RASGRP1: variants seen among roughly 807,000 people sequenced by gnomAD.
The protein encoded by RASGRP1 is RAS guanyl-releasing protein 1.
RASGRP1 carries 37 observed loss-of-function variants against 95.1 expected under a neutral mutation model. The observed-to-expected ratio is 0.39, with a 90% CI of 0.30 to 0.51. The LOEUF is 0.51. RASGRP1 is among the 20% of genes least tolerant of loss of function. The probability of loss-of-function intolerance (pLI) is 0.80; values close to 1 mark genes in which losing one functional copy is unlikely to be tolerated. For missense variants in RASGRP1, 711 were observed against 965.4 expected, an observed-to-expected ratio of 0.74 and a Z score of 3.49; for synonymous variants, 325 against 353.4, an observed-to-expected ratio of 0.92 and a Z score of 0.90.
intron 1 of RASGRP1, 42 bp downstream of exon 1, chr15:38,564,552 A>G: frequency 2.2e-6 from 3 of 1,339,188 alleles, no homozygotes; most frequent in Non-Finnish European, 2.9e-6. Context: ...TTCCCAAGAA[A>G]GGACACAGGC....
At chr15:38,529,005 C>G (rs1892340002) in intron 2 of RASGRP1, among the ~76,000 whole-genome samples, 1 of 152,214 alleles carries the variant, frequency 6.6e-6, no homozygotes, top group Non-Finnish European at 1.5e-5. Context: ...CAACTAAAAA[C>G]CTAGCCATTA....
chr15:38,502,552 C>T (rs2141092830), intron 11 of RASGRP1, 131 bp from the exon 12 acceptor site: 1 of 620,442 alleles, frequency 1.6e-6, no homozygotes, highest in East Asian at 2.8e-5. Context: ...ACAGGGAAAC[C>T]TGCTCCTTTA....
chr15:38,546,439 G>C (rs1372606906), intron 2 of RASGRP1, among the ~76,000 whole-genome samples: 2 of 152,138 alleles, frequency 1.3e-5, no homozygotes. Flanking sequence ...TGTTGGCCAG[G>C]ATGGTTTCGA....
At position 38,514,186 on chromosome 15, in the gene RASGRP1, A is replaced by T. The variant is rs1891663727; in HGVS notation, c.676-1230T>A. ...CTAAGTAGTAAATATATAGATGAGA[A>T]GTCACAACCCAAATAAAATAGCTGC... On this transcript the variant is annotated intron_variant, in intron 6 of 16. Transcript: ENST00000310803. Among the ~76,000 whole-genome samples the T allele has an allele frequency of 3.3e-5, 5 of 152,238 alleles. No homozygotes were observed. The South Asian group carries it at 1.0e-3, about 32-fold the overall frequency.
chr15:38,526,026 A>G (rs1234091522), intron 3 of RASGRP1, among the ~76,000 whole-genome samples: 1 of 152,090 alleles, frequency 6.6e-6, no homozygotes, highest in South Asian at 2.1e-4. Context: ...CAGAAAAAAT[A>G]TTTTTTACTA....
chr15:38,508,705 T>C (rs1016501045), intron 8 of RASGRP1, among the ~76,000 whole-genome samples: 2 of 152,228 alleles, frequency 1.3e-5, no homozygotes, highest in African/African-American at 4.8e-5. Context: ...GCTTCAAACC[T>C]GGAAGTGGGA....
intron 10 of RASGRP1, chr15:38,504,056 T>C (rs1190563403): frequency 6.6e-6 from 1 of 152,214 alleles, no homozygotes; most frequent in African/African-American, 2.4e-5. Context: ...TATCTTAACA[T>C]ATCTAAACAT....
At chr15:38,513,854 G>C (rs1228554828) in intron 6 of RASGRP1, among the ~76,000 whole-genome samples, 1 of 152,152 alleles carries the variant, frequency 6.6e-6, no homozygotes, top group Non-Finnish European at 1.5e-5. Flanking sequence ...TTGAAAGAAG[G>C]TGTGACCATA....
intron 2 of RASGRP1, among the ~76,000 whole-genome samples, chr15:38,543,724 G>T (rs1318733531): frequency 7.0e-6 from 1 of 142,344 alleles, no homozygotes. Flanking sequence ...TTATTTTTCA[G>T]TTCTAGAATT....
chr15:38,539,548 GTT>G (rs5812044), intron 2 of RASGRP1, among the ~76,000 whole-genome samples: 9,971 of 148,528 alleles, frequency 0.067, 1,104 homozygotes, highest in African/African-American at 0.23. Context: ...CTGCATTGCC[GTT>G]TTTTTTTTTG....
rs562140257 is a variant in RASGRP1, at chr15:38,493,081, C to T, written c.2259+1301G>A. 5.3e-5 allele frequency among the ~76,000 whole-genome samples: 8 copies of T among 151,618 alleles called. No homozygotes were observed. In the South Asian group the frequency reaches 8.3e-4, roughly 16 times the overall value. On this transcript the variant is annotated intron_variant, in intron 16 of 16. Coordinates refer to ENST00000310803, the MANE Select transcript of RASGRP1 (RefSeq NM_005739.4). The stretch of plus-strand genomic sequence containing the variant: ...ATTTTTAGTAGAGATGGGGTTTCAC[C>T]GTGTTAGCCAGGATGGTCTTGATCT...
rs77620260 is a variant in RASGRP1, at chr15:38,535,198, C to T, written c.221-8794G>A. Among the ~76,000 whole-genome samples the T allele has an allele frequency of 3.9e-4, 59 of 152,292 alleles. No homozygotes were observed. The East Asian group carries it at 0.01, about 26-fold the overall frequency. On this transcript the variant is annotated intron_variant, in intron 2 of 16. Coordinates refer to ENST00000310803, the MANE Select transcript of RASGRP1 (RefSeq NM_005739.4). ...GCCATGGTGAGTAGAGGAACCTCCA[C>T]AAGAAGGGCCCTCTCACTCCCAGCC...
At chr15:38,542,960 C>CAT (rs1335953898) in intron 2 of RASGRP1, among the ~76,000 whole-genome samples, 1 of 143,158 alleles carries the variant, frequency 7.0e-6, no homozygotes, top group African/African-American at 2.6e-5. Context: ...TACACACATA[C>CAT]ATATATATAT....
intron 3 of RASGRP1, among the ~76,000 whole-genome samples, chr15:38,519,969 G>A (rs545870810): frequency 2.6e-5 from 4 of 152,280 alleles, no homozygotes; most frequent in East Asian, 1.9e-4. Context: ...CAGATAAACC[G>A]TGTGAATAAT....
chr15:38,538,391 G>A (rs1892742094), intron 2 of RASGRP1, among the ~76,000 whole-genome samples: 1 of 152,202 alleles, frequency 6.6e-6, no homozygotes, highest in South Asian at 2.1e-4. Flanking sequence ...GTTACTTATT[G>A]GAAGATGGGG....
intron 10 of RASGRP1, chr15:38,504,839 C>T (rs1891190592): frequency 6.6e-6 from 1 of 152,158 alleles, no homozygotes; most frequent in African/African-American, 2.4e-5. Flanking sequence ...ATTGTTCTGT[C>T]ACTAGGCAGT....
intron 6 of RASGRP1, among the ~76,000 whole-genome samples, chr15:38,515,761 C>A (rs1350939602): frequency 2.0e-5 from 3 of 150,950 alleles, no homozygotes; most frequent in African/African-American, 7.3e-5. Flanking sequence ...GAGGACATAT[C>A]CTCTCCCCGC....
chr15:38,490,740 A>G (rs946017815), intron 16 of RASGRP1, 52 bp from the exon 17 acceptor site: 171 of 1,518,924 alleles, frequency 1.1e-4, no homozygotes, highest in Non-Finnish European at 1.5e-4. Flanking sequence ...TGAATAGCAA[A>G]TGAATTACAA....
Position 38,564,713 on chromosome 15 carries a change from C to A in RASGRP1, c.-85G>T. 1 of 1,123,046 alleles carries A rather than the reference C, an allele frequency of 8.9e-7. No homozygotes were observed. The highest frequency in any genetic ancestry group is 4.4e-5 in the South Asian group (1 of 22,932). 69.6% of individuals were successfully genotyped at this position (1,123,046 alleles called of 1,614,324 possible). On this transcript the variant is annotated 5_prime_UTR_variant, in exon 1 of 17. Coordinates refer to ENST00000310803, the MANE Select transcript of RASGRP1 (RefSeq NM_005739.4). ...CCCCGCCACCACCGCCGCCGCCTGC[C>A]GGCTCTCTCCCCCCCGGGCCTCGTA...
Sources: gnomAD v4.1 joint callset for allele counts (sites outside exome capture counted in the v4.1 genomes callset) on GRCh38, gnomAD v4.1.1 for gene constraint, MANE v1.5 for transcripts, NCBI Gene and HGNC (gene_info 2026-07-23, HGNC 2026-07-21) for gene names.